TCF12: variants seen among roughly 807,000 people sequenced by gnomAD.
TCF12 encodes transcription factor 12.
In TCF12, 45 loss-of-function variants were observed where a neutral mutation model predicts 86.0. The ratio of observed to expected loss-of-function variants is 0.52; its 90% CI spans 0.41 to 0.67. TCF12 has a LOEUF of 0.67. Ranked by LOEUF, TCF12 falls within the 30% of genes least tolerant of loss-of-function variation. TCF12 has a pLI of 0.00. For synonymous variants in TCF12, 330 were observed against 299.6 expected (o/e 1.10, Z -1.05); for missense variants, 881 against 859.9 (o/e 1.02, Z -0.31).
intron 13 of TCF12, chr15:57,246,907 A>G (rs2059889462): frequency 2.0e-6 from 1 of 489,826 alleles, no homozygotes; most frequent in Non-Finnish European, 4.0e-6. Context: ...AGCTTTCCTG[A>G]CAACTCCTCG....
chr15:57,005,548 T>A lies in TCF12; in HGVS notation c.149-58202T>A, dbSNP rs1011600521. 1.3e-4 allele frequency among the ~76,000 whole-genome samples: 20 copies of A among 152,292 alleles called. No individual in the cohort carries two copies. In the East Asian group the frequency reaches 1.9e-3, roughly 15 times the overall value. ...GTTTTTGAGTATTTTAATAATTTTT[T>A]AAAAATGTATTTTAATTTTTGTTTT... On this transcript the variant is annotated intron_variant, in intron 3 of 20. Transcript: ENST00000333725.
intron 3 of TCF12, among the ~76,000 whole-genome samples, chr15:57,046,538 G>T (rs1291660244): frequency 1.3e-5 from 2 of 152,112 alleles, no homozygotes; most frequent in Admixed American, 1.3e-4. Flanking sequence ...TGCCTCCCAG[G>T]TTCAAGCTGT....
Position 57,145,336 on chromosome 15 carries a change from T to C in TCF12, c.326-21066T>C, listed in dbSNP as rs778389048. 2.1e-4 allele frequency among the ~76,000 whole-genome samples: 32 copies of C among 152,228 alleles called. 1 individual carries two copies. Among genetic ancestry groups the C allele is most frequent in the Admixed American group, 3.9e-4 (6 of 15,282 alleles). On this transcript the variant is annotated intron_variant, in intron 5 of 20. Coordinates refer to ENST00000333725, the MANE Select transcript of TCF12 (RefSeq NM_207037.2). ...CAGTGTGCTCAGCCTTCACTACATT[T>C]ATGACCTTTGGTAATTTAGTTGACC...
intron 8 of TCF12, among the ~76,000 whole-genome samples, chr15:57,230,231 T>G (rs2059072643): frequency 6.6e-6 from 1 of 152,122 alleles, no homozygotes; most frequent in Middle Eastern, 3.4e-3. Context: ...TTGTTGAATT[T>G]TTTGTATCAT....
intron 13 of TCF12, chr15:57,246,837 T>C: frequency 5.7e-6 from 2 of 353,838 alleles, no homozygotes; most frequent in South Asian, 4.6e-5. Flanking sequence ...TTGTTCCTTC[T>C]GTGGCAGATT....
intron 4 of TCF12, among the ~76,000 whole-genome samples, chr15:57,064,795 CAAAAA>C (rs1177544594): frequency 2.6e-5 from 2 of 78,118 alleles, no homozygotes; most frequent in Non-Finnish European, 4.3e-5. Context: ...GACTCCATCT[CAAAAA>C]AAAAAAAAAA....
At chr15:56,989,899 C>T (rs1421381149) in intron 3 of TCF12, among the ~76,000 whole-genome samples, 8 of 152,234 alleles carry the variant, frequency 5.3e-5, no homozygotes, top group African/African-American at 1.9e-4. Flanking sequence ...TCTCCCAAAC[C>T]TAGTTTTCCT....
intron 6 of TCF12, among the ~76,000 whole-genome samples, chr15:57,172,463 C>G (rs1258103432): frequency 6.6e-6 from 1 of 152,174 alleles, no homozygotes; most frequent in East Asian, 1.9e-4. Flanking sequence ...ACACATTACA[C>G]TAACAGGCTG....
At chr15:57,037,738 G>A (rs1174631658) in intron 3 of TCF12, among the ~76,000 whole-genome samples, 2 of 152,098 alleles carry the variant, frequency 1.3e-5, no homozygotes, top group Non-Finnish European at 2.9e-5. Context: ...ACTGATTTCC[G>A]TTTCCTTTTT....
chr15:56,969,770 T>C (rs1189731118), intron 3 of TCF12, among the ~76,000 whole-genome samples: 1 of 152,170 alleles, frequency 6.6e-6, no homozygotes, highest in Non-Finnish European at 1.5e-5. Context: ...GTGGGAGTTA[T>C]CAATTTGGGA....
At chr15:57,194,545 T>G (rs769247505) in intron 7 of TCF12, among the ~76,000 whole-genome samples, 4 of 152,188 alleles carry the variant, frequency 2.6e-5, no homozygotes, top group African/African-American at 4.8e-5. Flanking sequence ...TTAAAAGCAC[T>G]CTTGAGATGA....
At chr15:56,950,745 GTTTTTT>G (rs71113040) in intron 3 of TCF12, among the ~76,000 whole-genome samples, 5 of 85,898 alleles carry the variant, frequency 5.8e-5, no homozygotes, top group Admixed American at 1.6e-4. Context: ...TTATGACCAT[GTTTTTT>G]TTTTTTTTTT....
chr15:57,195,229 T>C (rs1245757621), intron 7 of TCF12, among the ~76,000 whole-genome samples: 1 of 152,212 alleles, frequency 6.6e-6, no homozygotes, highest in Non-Finnish European at 1.5e-5. Context: ...ATTTTGCAAC[T>C]TCCCAGAAGT....
In TCF12 at chr15:56,920,137, A is replaced by C. The variant is rs2059716172; in HGVS notation, c.75+149A>C. The C allele has an allele frequency of 1.1e-5, 9 of 826,550 alleles. No individual in the cohort carries two copies. The East Asian group carries it at 2.5e-4, about 23-fold the overall frequency. 51.2% of individuals were successfully genotyped at this position (826,550 alleles called of 1,614,324 possible). On this transcript the variant is annotated intron_variant, in intron 2 of 20. Transcript: ENST00000333725. The stretch of plus-strand genomic sequence containing the variant: ...GCTTTCTGCTTAAGCAGTAGTTCTC[A>C]GGGCTGGAGTCCAGCTCCCCCAAGT...
In TCF12 at chr15:57,268,523, G is replaced by A. The variant is rs548749235; in HGVS notation, c.1746-4507G>A. Among the ~76,000 whole-genome samples the A allele has an allele frequency of 2.6e-5, 4 of 152,190 alleles. No individual in the cohort carries two copies. The South Asian group carries it at 8.3e-4, about 32-fold the overall frequency. On this transcript the variant is annotated intron_variant, in intron 18 of 20. Coordinates refer to ENST00000333725, the MANE Select transcript of TCF12 (RefSeq NM_207037.2). The stretch of plus-strand genomic sequence containing the variant: ...CCGCCTCAGCTTCCCAAACCACTTA[G>A]GTTACAAGCACGAGCCACCATGCCT...
At chr15:56,983,268 A>C (rs2062984637) in intron 3 of TCF12, among the ~76,000 whole-genome samples, 1 of 152,178 alleles carries the variant, frequency 6.6e-6, no homozygotes, top group African/African-American at 2.4e-5. Context: ...ATTGGTAACT[A>C]TTAGAGAGAG....
At chr15:56,982,500 T>C (rs2062944987) in intron 3 of TCF12, among the ~76,000 whole-genome samples, 1 of 152,216 alleles carries the variant, frequency 6.6e-6, no homozygotes, top group South Asian at 2.1e-4. Flanking sequence ...GATAACTGTC[T>C]GCATCATTTA....
intron 5 of TCF12, among the ~76,000 whole-genome samples, chr15:57,153,259 T>C (rs1362330591): frequency 6.6e-6 from 1 of 152,202 alleles, no homozygotes; most frequent in East Asian, 1.9e-4. Flanking sequence ...ACTTTTTTCA[T>C]AGAGAGCCAG....
At chr15:56,981,237 C>G (rs1477280745) in intron 3 of TCF12, among the ~76,000 whole-genome samples, 1 of 152,154 alleles carries the variant, frequency 6.6e-6, no homozygotes, top group Non-Finnish European at 1.5e-5. Flanking sequence ...TTATGAAGAA[C>G]AGAAATGTAT....
Sources: allele counts gnomAD v4.1 joint callset (sites outside exome capture counted in the v4.1 genomes callset), GRCh38; gene constraint gnomAD v4.1.1; transcripts MANE v1.5; gene names NCBI Gene and HGNC (gene_info 2026-07-23, HGNC 2026-07-21).